PBRM1: variants seen among roughly 807,000 people sequenced by gnomAD.
PBRM1 encodes the protein polybromo 1.
A neutral mutation model predicts 194.5 loss-of-function variants in PBRM1; 27 were observed. That is an observed-to-expected ratio of 0.14 (90% CI 0.10 to 0.19). PBRM1 has a LOEUF of 0.19. Among genes scored for constraint, PBRM1 ranks in the 10% least tolerant of loss-of-function variants. The pLI, the probability that PBRM1 is intolerant of heterozygous loss-of-function variation, is 1.00. For synonymous variants in PBRM1, 655 were observed against 693.2 expected (o/e 0.94, Z 0.87); for missense variants, 1,466 against 2,077.2 (o/e 0.71, Z 5.72).
chr3:52,675,891 G>A (rs1473214758), intron 2 of PBRM1, among the ~76,000 whole-genome samples: 3 of 114,418 alleles, frequency 2.6e-5, no homozygotes, highest in African/African-American at 7.1e-5. Context: ...CGAGGCGGGC[G>A]GATCACGAGG....
At chr3:52,683,018 G>T (rs1043836014), upstream of PBRM1, among the ~76,000 whole-genome samples, 2 of 151,980 alleles carry the variant, frequency 1.3e-5, no homozygotes, top group Non-Finnish European at 2.9e-5. Flanking sequence ...TGGCTAACAC[G>T]GTGAAACCCC....
At chr3:52,683,375 A>G (rs2097247900), upstream of PBRM1, among the ~76,000 whole-genome samples, 2 of 130,666 alleles carry the variant, frequency 1.5e-5, no homozygotes, top group African/African-American at 5.1e-5. Context: ...CCGTCTCAAG[A>G]AAAAAAAAAA....
intron 17 of PBRM1, among the ~76,000 whole-genome samples, chr3:52,602,584 G>A (rs908709365): frequency 2.5e-4 from 38 of 152,112 alleles, no homozygotes; most frequent in Admixed American, 5.9e-4. Context: ...AACTTGGATC[G>A]TCACCTTGGG....
chr3:52,614,769 C>T (rs1430166659), intron 15 of PBRM1, among the ~76,000 whole-genome samples: 1 of 152,088 alleles, frequency 6.6e-6, no homozygotes, highest in Non-Finnish European at 1.5e-5. Context: ...TGGGGATTCA[C>T]CATGTTGGCC....
At chr3:52,569,615 T>G (rs2086412821) in intron 22 of PBRM1, among the ~76,000 whole-genome samples, 1 of 152,218 alleles carries the variant, frequency 6.6e-6, no homozygotes, top group African/African-American at 2.4e-5. Flanking sequence ...TTAGGGAGGA[T>G]GGACATCTTT....
rs1325121655 is a variant in PBRM1 at position 52,622,345 on chromosome 3, TAAAA to T, written c.1542-4811_1542-4808del. On this transcript the variant is annotated intron_variant, in intron 13 of 29. Transcript: ENST00000296302. ...AGGGAGAGACTCCATCTCAAAAAAA[TAAAA>T]AAAAAGAAAGACAAAAAAATACTTA... is the stretch of plus-strand genomic sequence containing the variant. Among the ~76,000 whole-genome samples, 12 of 128,772 alleles carry T rather than the reference TAAAA, an allele frequency of 9.3e-5. No homozygotes were observed. In the East Asian group the frequency reaches 2.9e-3, roughly 32 times the overall value. 84.5% of individuals were successfully genotyped at this position (128,772 alleles called of 152,430 possible).
chr3:52,593,209 C>T (rs2093263101), intron 17 of PBRM1, among the ~76,000 whole-genome samples: 2 of 151,896 alleles, frequency 1.3e-5, no homozygotes, highest in South Asian at 4.2e-4. Context: ...TTTGCTCTTG[C>T]TTTTCTAGTT....
intron 2 of PBRM1, among the ~76,000 whole-genome samples, chr3:52,669,614 C>T (rs1408021800): frequency 1.3e-5 from 2 of 152,024 alleles, no homozygotes; most frequent in Admixed American, 6.6e-5. Context: ...AACATCATGG[C>T]GATTAAGGCT....
upstream of PBRM1, among the ~76,000 whole-genome samples, chr3:52,681,427 G>C (rs2097203194): frequency 6.6e-6 from 1 of 152,120 alleles, no homozygotes. Flanking sequence ...GCTAAAAGTA[G>C]TTAAAATCGT....
At chr3:52,545,758 AT>A (rs2079605553), downstream of PBRM1, 2 of 233,108 alleles carry the variant, frequency 8.6e-6, no homozygotes, top group Non-Finnish European at 8.5e-6. Context: ...TTTTGAAAAC[AT>A]TTAGGCCATT....
intron 16 of PBRM1, 100 bp from the exon 19 acceptor site, chr3:52,603,832 G>A (rs2094162962): frequency 2.9e-6 from 3 of 1,034,254 alleles, no homozygotes; most frequent in Non-Finnish European, 4.2e-6. Flanking sequence ...AATTGATATA[G>A]TGGTATTTCT....
intron 21 of PBRM1, among the ~76,000 whole-genome samples, chr3:52,578,348 A>T (rs2090232716): frequency 6.6e-6 from 1 of 152,236 alleles, no homozygotes; most frequent in Admixed American, 6.5e-5. Context: ...TCACTAATGT[A>T]TCCACAGAGC....
intron 20 of PBRM1, 53 bp downstream of exon 22, chr3:52,586,372 G>A: frequency 7.0e-7 from 1 of 1,427,804 alleles, no homozygotes; most frequent in Non-Finnish European, 9.6e-7. Flanking sequence ...TTATTTTCTG[G>A]AATAGGTGTT....
chr3:52,626,543 G>A (rs2095453736), intron 13 of PBRM1, among the ~76,000 whole-genome samples: 1 of 152,114 alleles, frequency 6.6e-6, no homozygotes, highest in South Asian at 2.1e-4. Context: ...CTGCAAAGAT[G>A]GTGAGGCAGT....
At chr3:52,656,788 G>A (rs1403886779) in intron 5 of PBRM1, among the ~76,000 whole-genome samples, 1 of 152,098 alleles carries the variant, frequency 6.6e-6, no homozygotes, top group Non-Finnish European at 1.5e-5. Flanking sequence ...ATGTAGTAAG[G>A]CACGGTGGCA....
At chr3:52,599,979 A>G (rs1224984042) in intron 17 of PBRM1, among the ~76,000 whole-genome samples, 1 of 152,160 alleles carries the variant, frequency 6.6e-6, no homozygotes, top group East Asian at 1.9e-4. Flanking sequence ...CTTTTAAACC[A>G]ATGTAAAGTG....
At chr3:52,615,373 C>A in exon 15 of PBRM1, 1 of 1,609,218 alleles carries the variant, frequency 6.2e-7, no homozygotes, top group Non-Finnish European at 8.5e-7. Context: ...TGGGAGAAGC[C>A]ATGTCATCAT....
chr3:52,678,437 C>T (rs1030794864), intron 2 of PBRM1, 63 bp downstream of exon 3: 2 of 1,093,030 alleles, frequency 1.8e-6, no homozygotes, highest in Non-Finnish European at 2.8e-6. Flanking sequence ...TTTCCAAACA[C>T]TTTAATACAC....
At chr3:52,654,492 C>T (rs72950425) in intron 5 of PBRM1, among the ~76,000 whole-genome samples, 5,089 of 152,164 alleles carry the variant, frequency 0.033, 306 homozygotes, top group African/African-American at 0.12. Context: ...TTGCTTGGGA[C>T]GGACTTACTA....
Sources: allele counts gnomAD v4.1 joint callset (sites outside exome capture counted in the v4.1 genomes callset), GRCh38; gene constraint gnomAD v4.1.1; transcripts MANE v1.5; gene names NCBI Gene and HGNC (gene_info 2026-07-23, HGNC 2026-07-21).